The following SART3 variants were observed in gnomAD, a reference collection of about 807,000 sequenced individuals.
The protein encoded by SART3 is HIV-1 Tat-interacting protein of 110kDa.
A neutral mutation model predicts 122.3 loss-of-function variants in SART3; 44 were observed. The observed-to-expected ratio is 0.36, with a 90% confidence interval of 0.28 to 0.46. The LOEUF is 0.46. SART3 is among the 20% of genes least tolerant of loss of function. The probability of loss-of-function intolerance (pLI) is 1.00; values close to 1 mark genes in which losing one functional copy is unlikely to be tolerated. For synonymous variants in SART3, 442 were observed against 454.0 expected (o/e 0.97, Z 0.34); for missense variants, 1,101 against 1,229.0 (o/e 0.90, Z 1.56).
chr12:108,526,415 G>A lies in SART3; in HGVS notation c.2054C>T (p.Ala685Val). 6.2e-7 allele frequency: 1 copy of A among 1,614,144 alleles called. No homozygotes were observed. The highest frequency in any genetic ancestry group is 8.5e-7 in the Non-Finnish European group (1 of 1,180,016). ...VEPPSKQKEK[A>V]ASLKRDMPKV... ...GGGCATGTCCCTCTTCAGGGAGGCT[G>A]CCTTCTCCTTCTGCTTCGAAGGGGG... The change falls in exon 16 of 19, where the codon GCA becomes GTA. Residue 685 changes from alanine to valine, a missense_variant. Ala to Val is a moderately conservative substitution (Grantham distance 64). Coordinates refer to ENST00000546815, the MANE Select transcript of SART3 (RefSeq NM_014706.4).
intron 13 of SART3, 154 bp downstream of exon 13, chr12:108,532,068 A>AT: frequency 1.5e-6 from 1 of 675,524 alleles, no homozygotes; most frequent in South Asian, 1.5e-5. Flanking sequence ...AGGAGGACTC[A>AT]TTTTCAGGAC....
In SART3 at chr12:108,537,456, A is replaced by G. The variant is rs772095269; in HGVS notation, c.1309+32T>C. On this transcript the variant is annotated intron_variant, in intron 9 of 18. Coordinates refer to ENST00000546815, the MANE Select transcript of SART3 (RefSeq NM_014706.4). Reference sequence around the variant, plus strand: ...CAAAAGTTGTATTAAGAACATGTTCAGCTCTAAAGTGAAAAACATGTGCTT... The same window carrying G: ...CAAAAGTTGTATTAAGAACATGTTCGGCTCTAAAGTGAAAAACATGTGCTT... 2.0e-6 allele frequency: 3 copies of G among 1,520,670 alleles called. No individual in the cohort carries two copies. In the Admixed American group the frequency reaches 5.0e-5, roughly 25 times the overall value. The allele number at this position is 1,520,670 out of a possible 1,614,324, so 94.2% of individuals were successfully genotyped here. A position where few individuals can be genotyped will look rare whatever the true frequency, so the allele number is the denominator to read the frequency against.
At chr12:108,551,834 A>G (rs11113989) in intron 1 of SART3, among the ~76,000 whole-genome samples, 30,247 of 152,124 alleles carry the variant, frequency 0.2, 3,856 homozygotes, top group East Asian at 0.49. Context: ...TAAGTAATAC[A>G]CTTCTAAATA....
rs1209464207 is a variant in SART3 at position 108,561,148 on chromosome 12, T to G, written c.7A>C (p.Thr3Pro). ...TCTGAAGCCGAGGTTTCGGCCGCAG[T>G]CGCCATCTTGCGCTTCTAATGACTC... The part of the protein sequence containing the change: MA[T>P]AAETSASEPE... The change falls in exon 1 of 19, where the codon ACT (threonine) becomes CCT (proline). Residue 3 changes from threonine to proline, a missense_variant. Thr to Pro is a conservative substitution (Grantham distance 38). Around this residue, in one of 2 missense-constraint regions of SART3, gnomAD observed 216 missense variants for 148.9 expected, o/e 1.45. Transcript: ENST00000546815. 1.2e-6 allele frequency: 2 copies of G among 1,613,006 alleles called. No homozygotes were observed. The highest frequency in any genetic ancestry group is 1.7e-5 in the Admixed American group (1 of 59,992).
rs559964657 is a variant in SART3, at chr12:108,544,944, T to C, written c.729+195A>G. The C allele has an allele frequency of 5.9e-4, 398 of 677,338 alleles. 6 individuals are homozygous for C. Among genetic ancestry groups the C allele is most frequent in the South Asian group, 5.7e-3 (336 of 58,748 alleles). The allele number at this position is 677,338 out of a possible 1,614,324, so 42.0% of individuals were successfully genotyped here. A position where few individuals can be genotyped will look rare whatever the true frequency, so the allele number is the denominator to read the frequency against. On this transcript the variant is annotated intron_variant, in intron 4 of 18. Coordinates refer to ENST00000546815, the MANE Select transcript of SART3 (RefSeq NM_014706.4). ...AAAAAAATTTATACGACCTCTTCCATACATATTGTACCAAATGCTAGAAGG... is the reference window on the plus strand; with the variant it reads ...AAAAAAATTTATACGACCTCTTCCACACATATTGTACCAAATGCTAGAAGG...
At chr12:108,557,206 GTTTTT>G (rs71076787) in intron 1 of SART3, among the ~76,000 whole-genome samples, 1 of 82,928 alleles carries the variant, frequency 1.2e-5, no homozygotes, top group Admixed American at 1.8e-4. Flanking sequence ...TAATGACATA[GTTTTT>G]TTTTTTTTTT....
intron 15 of SART3, among the ~76,000 whole-genome samples, chr12:108,529,806 TA>T (rs138607862): frequency 0.12 from 17,053 of 142,836 alleles, 1,359 homozygotes; most frequent in Admixed American, 0.28. Flanking sequence ...GTCATCAGAG[TA>T]AAAAAAAAAA....
At chr12:108,557,936 G>C (rs1444351620) in intron 1 of SART3, among the ~76,000 whole-genome samples, 1 of 152,216 alleles carries the variant, frequency 6.6e-6, no homozygotes, top group African/African-American at 2.4e-5. Flanking sequence ...GGCTGAGGCA[G>C]GAGCATCACT....
intron 12 of SART3, 63 bp from the exon 13 acceptor site, chr12:108,532,397 A>T (rs1008126591): frequency 5.0e-5 from 70 of 1,390,208 alleles, no homozygotes; most frequent in South Asian, 2.2e-4. Context: ...TCGAAGGGAG[A>T]GGCCGTCTTC....
chr12:108,560,744 C>A (rs766947945), intron 1 of SART3, 99 bp downstream of exon 1: 2 of 1,116,750 alleles, frequency 1.8e-6, no homozygotes, highest in South Asian at 1.7e-5. Flanking sequence ...GCAGCCTTGG[C>A]GGCTTTATCG....
In SART3 at chr12:108,522,701, A is replaced by G. The variant is rs1006273419; in HGVS notation, c.*756T>C. On this transcript the variant is annotated 3_prime_UTR_variant, in exon 19 of 19. Transcript: ENST00000546815. ...AGCAAGAAGTTTTGAAGAGAACGTC[A>G]GTTTAATAAAGCTAAATGGGGAGAA... The G allele has an allele frequency of 6.6e-6, 1 of 152,500 alleles. No homozygotes were observed. Among genetic ancestry groups the G allele is most frequent in the Non-Finnish European group, 1.5e-5 (1 of 68,246 alleles). 9.4% of individuals were successfully genotyped at this position (152,500 alleles called of 1,614,324 possible). A position where few individuals can be genotyped will look rare whatever the true frequency, so the allele number is the denominator to read the frequency against.
intron 3 of SART3, among the ~76,000 whole-genome samples, chr12:108,545,862 A>G (rs1052436751): frequency 1.3e-5 from 2 of 149,312 alleles, no homozygotes; most frequent in African/African-American, 4.9e-5. Context: ...GCTACTCAGG[A>G]GGCTGAGGCA....
chr12:108,551,542 GTTTAA>G (rs1367776538), intron 1 of SART3, among the ~76,000 whole-genome samples: 1 of 152,084 alleles, frequency 6.6e-6, no homozygotes, highest in Non-Finnish European at 1.5e-5. Context: ...AAAGGAAATT[GTTTAA>G]TTTTTTTTTA....
At chr12:108,525,385 A>C (rs558485656) in intron 17 of SART3, 72 bp downstream of exon 17, 1 of 1,545,460 alleles carries the variant, frequency 6.5e-7, no homozygotes, top group East Asian at 2.2e-5. Flanking sequence ...AGGTTAAATC[A>C]TCTTTGAACC....
chr12:108,530,331 T>C, intron 14 of SART3, 21 bp from the exon 15 acceptor site: 1 of 1,613,556 alleles, frequency 6.2e-7, no homozygotes, highest in Non-Finnish European at 8.5e-7. Context: ...GGGAAGATGA[T>C]GCATCGCTGG....
chr12:108,542,880 TTATTATTAG>T, intron 6 of SART3, 139 bp downstream of exon 6: 1 of 1,113,538 alleles, frequency 9.0e-7, no homozygotes, highest in Non-Finnish European at 1.3e-6. Flanking sequence ...GATGTTCACT[TTATTATTAG>T]TATGTAAACT....
Position 108,526,358 on chromosome 12 carries a change from A to G in SART3, c.2111T>C (p.Ile704Thr). 6.2e-7 allele frequency: 1 copy of G among 1,613,956 alleles called. No individual in the cohort carries two copies. ...KVLHDSSKDSITVFVSNLPYS... is the reference protein window; with the variant it reads ...KVLHDSSKDSTTVFVSNLPYS... ...GGGCAGGTTGCTGACAAAGACGGTGATGCTGTCCTTGCTGCTGTCGTGCAG... is the reference window on the plus strand; with the variant it reads ...GGGCAGGTTGCTGACAAAGACGGTGGTGCTGTCCTTGCTGCTGTCGTGCAG... The change falls in exon 16 of 19, where the codon ATC becomes ACC. Residue 704 changes from isoleucine (I) to threonine (T), a missense_variant. By Grantham distance (89) the Ile-to-Thr change is moderately conservative. Around this residue, in one of 2 missense-constraint regions of SART3, gnomAD observed 885 missense variants for 1,080.1 expected, o/e 0.82. Transcript: ENST00000546815.
intron 15 of SART3, among the ~76,000 whole-genome samples, chr12:108,528,338 T>C (rs866728227): frequency 6.6e-6 from 1 of 151,694 alleles, no homozygotes; most frequent in Non-Finnish European, 1.5e-5. Flanking sequence ...AAAAATTAGC[T>C]GGGCATGGTG....
In SART3 at chr12:108,532,267, G is replaced by C; in HGVS notation, c.1624C>G (p.Pro542Ala). 1 of 1,614,194 alleles carries C rather than the reference G, an allele frequency of 6.2e-7. No homozygotes were observed. Among genetic ancestry groups the C allele is most frequent in the Non-Finnish European group, 8.5e-7 (1 of 1,180,022 alleles). Residue 542 changes from proline (P) to alanine (A), a missense_variant, in exon 13 of 19, where the codon CCA becomes GCA. Pro to Ala is a conservative substitution (Grantham distance 27). This residue lies in a region of SART3 where 885 missense variants were observed against 1,080.1 expected (regional missense o/e 0.82). Coordinates refer to ENST00000546815, the MANE Select transcript of SART3 (RefSeq NM_014706.4). ...AGTAACACTTCGCAGACGTGCTCTG[G>C]GTAGTCACTGGTGCACTGGACGGCC... ...HRAVQCTSDY[P>A]EHVCEVLLTM...
Sources: allele counts gnomAD v4.1 joint callset (sites outside exome capture counted in the v4.1 genomes callset), GRCh38; gene constraint gnomAD v4.1.1; regional missense constraint gnomAD v4.1.1; transcripts MANE v1.5; gene names NCBI Gene and HGNC (gene_info 2026-07-23, HGNC 2026-07-21).